Variants in CPPED1 observed in about 807,000 individuals in gnomAD.
CPPED1 encodes calcineurin like phosphoesterase domain containing 1.
Under a neutral mutation model 28.0 loss-of-function variants are expected in CPPED1, and 28 were observed. The ratio of observed to expected loss-of-function variants is 1.00; its 90% CI spans 0.74 to 1.37. The LOEUF is 1.37. Ranked by LOEUF, CPPED1 falls within the 40% of genes most tolerant of loss-of-function variation. CPPED1 has a pLI of 0.00. For synonymous variants in CPPED1, 198 were observed against 180.2 expected (o/e 1.10, Z -0.79); for missense variants, 504 against 416.5 (o/e 1.21, Z -1.83).
intron 3 of CPPED1, among the ~76,000 whole-genome samples, chr16:12,698,964 G>A (rs1299771994): frequency 6.6e-6 from 1 of 152,106 alleles, no homozygotes; most frequent in Non-Finnish European, 1.5e-5. Context: ...AAAAGGTATC[G>A]AGACATCAAG....
Position 12,709,673 on chromosome 16 carries a change from T to C in CPPED1, c.290-4624A>G, listed in dbSNP as rs1378408543. ...AATACATTGTCTAATAAAATCTCTT[T>C]GTGAGTTAGGAAGAGAAATAAACAT... On this transcript the variant is annotated intron_variant, in intron 2 of 3. Transcript: ENST00000381774. This position sits in a 1 kb window ranked among gnomAD's most constrained non-coding sequence, Gnocchi z 4.4. Among the ~76,000 whole-genome samples, 1 of 152,152 alleles carries C rather than the reference T, an allele frequency of 6.6e-6. No homozygotes were observed. The highest frequency in any genetic ancestry group is 1.5e-5 in the Non-Finnish European group (1 of 68,028).
At chr16:12,752,146 G>C (rs2080333740) in intron 2 of CPPED1, among the ~76,000 whole-genome samples, 1 of 152,088 alleles carries the variant, frequency 6.6e-6, no homozygotes, top group Non-Finnish European at 1.5e-5. Flanking sequence ...AACACAATGA[G>C]AATAGAGCAG....
chr16:12,762,849 T>A (rs2080417305), intron 2 of CPPED1, among the ~76,000 whole-genome samples: 1 of 151,840 alleles, frequency 6.6e-6, no homozygotes, highest in Admixed American at 6.6e-5. Flanking sequence ...ACTCAGGCAA[T>A]CCTCCCACCT....
Position 12,725,637 on chromosome 16 carries a change from G to A in CPPED1, c.290-20588C>T, listed in dbSNP as rs149759016. ...AGCACAGCCACAGAAGGTCAGCCTGGGAACTGATTTGTCAAAAGGACCACA... is the reference window on the plus strand; with the variant it reads ...AGCACAGCCACAGAAGGTCAGCCTGAGAACTGATTTGTCAAAAGGACCACA... On this transcript the variant is annotated intron_variant, in intron 2 of 3. Transcript: ENST00000381774. 6.9e-3 allele frequency among the ~76,000 whole-genome samples: 1,051 copies of A among 152,182 alleles called. 14 individuals are homozygous for A. The highest frequency in any genetic ancestry group is 0.024 in the African/African-American group (992 of 41,508).
At chr16:12,775,017 A>C (rs2080489592) in intron 2 of CPPED1, among the ~76,000 whole-genome samples, 1 of 152,054 alleles carries the variant, frequency 6.6e-6, no homozygotes, top group Admixed American at 6.5e-5. Context: ...ACGGGGTTTC[A>C]CTATGTTGTC....
Position 12,803,823 on chromosome 16 carries a change from GC to G in CPPED1, c.-48del, listed in dbSNP as rs1309953162. 2.0e-6 allele frequency: 3 copies of G among 1,537,594 alleles called. No individual in the cohort carries two copies. The Admixed American group carries it at 5.7e-5, about 29-fold the overall frequency. On this transcript the variant is annotated 5_prime_UTR_variant, in exon 1 of 4. Coordinates refer to ENST00000381774, the MANE Select transcript of CPPED1 (RefSeq NM_018340.3). Reference sequence around the variant, plus strand: ...CACTTAGAACACTGCGTGGGTGGAAGCCGCGCGACTTCACACAGAACAACCG... The same window carrying G: ...CACTTAGAACACTGCGTGGGTGGAAGCGCGCGACTTCACACAGAACAACCG...
intron 2 of CPPED1, among the ~76,000 whole-genome samples, chr16:12,760,176 A>T (rs1457897683): frequency 6.6e-6 from 1 of 152,190 alleles, no homozygotes; most frequent in Non-Finnish European, 1.5e-5. Context: ...GTAGCACTGT[A>T]TTGGGTACAG....
intron 2 of CPPED1, among the ~76,000 whole-genome samples, chr16:12,735,664 G>A (rs2080223205): frequency 6.6e-6 from 1 of 152,154 alleles, no homozygotes; most frequent in South Asian, 2.1e-4. Context: ...TGCTTCATAG[G>A]ATTGTTATGA....
intron 3 of CPPED1, among the ~76,000 whole-genome samples, chr16:12,666,857 AC>A (rs1214419894): frequency 6.6e-6 from 1 of 152,212 alleles, no homozygotes; most frequent in Non-Finnish European, 1.5e-5. Flanking sequence ...CAACCAGCTC[AC>A]AACATTCCTT....
Position 12,705,051 on chromosome 16 carries a change from TG to T in CPPED1, c.290-3del. On this transcript the variant is annotated splice_region_variant and splice_polypyrimidine_tract_variant and intron_variant, in intron 2 of 3. Transcript: ENST00000381774. ...TCTGCTCCGTCCGCCACGGCTTCCC[TG>T]GAAGAGTGAGGGTCACGTCCTGAGA... The T allele has an allele frequency of 6.2e-7, 1 of 1,603,680 alleles. No individual in the cohort carries two copies. The highest frequency in any genetic ancestry group is 8.5e-7 in the Non-Finnish European group (1 of 1,172,748).
At position 12,661,514 on chromosome 16, in the gene CPPED1, C is replaced by T. The variant is rs1290545333; in HGVS notation, c.*3372G>A. ...AGCCCCATTCCCAAAGTCACTTGAG[C>T]CTTTGCAATCCAATTTGAGATCACT... On this transcript the variant is annotated 3_prime_UTR_variant, in exon 4 of 4. Coordinates refer to ENST00000381774, the MANE Select transcript of CPPED1 (RefSeq NM_018340.3). 6.6e-6 allele frequency: 1 copy of T among 152,196 alleles called. No homozygotes were observed. Among genetic ancestry groups the T allele is most frequent in the African/African-American group, 2.4e-5 (1 of 41,452 alleles). 9.4% of individuals were successfully genotyped at this position (152,196 alleles called of 1,614,324 possible).
chr16:12,750,830 G>T (rs1411752802), intron 2 of CPPED1, among the ~76,000 whole-genome samples: 1 of 151,876 alleles, frequency 6.6e-6, no homozygotes, highest in African/African-American at 2.4e-5. Flanking sequence ...AATTAGCCAG[G>T]CGTGGTGCCT....
chr16:12,763,095 G>A (rs1019367901), intron 2 of CPPED1, among the ~76,000 whole-genome samples: 5 of 151,880 alleles, frequency 3.3e-5, no homozygotes, highest in African/African-American at 4.8e-5. Flanking sequence ...AGCCGGGTGT[G>A]GTGGTGGATG....
At chr16:12,723,675 C>A (rs1419573116) in intron 2 of CPPED1, among the ~76,000 whole-genome samples, 1 of 152,140 alleles carries the variant, frequency 6.6e-6, no homozygotes, top group Non-Finnish European at 1.5e-5. Context: ...TCCAGCCTTA[C>A]AGAAAAGGAA....
chr16:12,796,115 G>C (rs2080626327), intron 1 of CPPED1, among the ~76,000 whole-genome samples: 2 of 150,718 alleles, frequency 1.3e-5, no homozygotes, highest in African/African-American at 4.9e-5. Flanking sequence ...GTCTACTACT[G>C]CTAGACACCA....
intron 2 of CPPED1, among the ~76,000 whole-genome samples, chr16:12,770,297 T>G (rs569956277): frequency 2.0e-5 from 3 of 152,162 alleles, no homozygotes; most frequent in African/African-American, 7.2e-5. Context: ...AAGAAATACT[T>G]ACCTGACTGT....
rs764436302 is a variant in CPPED1 at position 12,704,931 on chromosome 16, G to A, written c.408C>T (p.Ala136=). ...GNHDIGNTPT[A]ETVEEFCRTW... is the part of the protein sequence containing the mutation. ...TCCGGCAGAACTCCTCGACGGTCTC[G>A]GCCGTGGGGGTGTTGCCAATGTCAT... Residue 136 remains alanine, a synonymous_variant, in exon 3 of 4, where the codon GCC becomes GCT. Transcript: ENST00000381774. The A allele has an allele frequency of 4.9e-5, 79 of 1,614,020 alleles. No homozygotes were observed. In the East Asian group the frequency reaches 9.1e-4, roughly 19 times the overall value.
At chr16:12,715,451 A>G (rs141430485) in intron 2 of CPPED1, among the ~76,000 whole-genome samples, 5,140 of 152,094 alleles carry the variant, frequency 0.034, 131 homozygotes, top group East Asian at 0.1. Context: ...CTTGAGGTCA[A>G]GAGTTCGAGA....
At chr16:12,766,256 T>TATATATATATATATATATAGAG in intron 2 of CPPED1, among the ~76,000 whole-genome samples, 4 of 134,284 alleles carry the variant, frequency 3.0e-5, no homozygotes, top group African/African-American at 1.4e-4. Context: ...TATATATATA[T>TATATATATATATATATATAGAG]AGAGAGAGAG....
Sources: gnomAD v4.1 joint callset for allele counts (sites outside exome capture counted in the v4.1 genomes callset) on GRCh38, gnomAD v4.1.1 for gene constraint, Gnocchi (gnomAD v3.1) non-coding constraint, MANE v1.5 for transcripts, NCBI Gene and HGNC (gene_info 2026-07-23, HGNC 2026-07-21) for gene names.